The following SEMA3A variants were observed in gnomAD, a reference collection of about 807,000 sequenced individuals.
The protein encoded by SEMA3A is semaphorin 3A, also known as semaphorin-3A.
A neutral mutation model predicts 97.9 loss-of-function variants in SEMA3A; 29 were observed. The observed-to-expected ratio is 0.30, with a 90% CI of 0.22 to 0.40. The LOEUF (loss-of-function observed/expected upper bound fraction) is 0.40. Among genes scored for constraint, SEMA3A ranks in the 10% least tolerant of loss-of-function variants. The pLI is 1.00. For missense variants in SEMA3A, 763 were observed against 951.3 expected (o/e 0.80, Z 2.60); for synonymous variants, 321 against 323.7 (o/e 0.99, Z 0.09).
chr7:84,195,415 A>ATG (rs541469133), upstream of SEMA3A: 5 of 144,184 alleles, frequency 3.5e-5, no homozygotes, highest in East Asian at 2.1e-4. Flanking sequence ...TGTGCATTGT[A>ATG]TGTGTGCGTG....
At position 84,011,105 on chromosome 7, in the gene SEMA3A, A is replaced by G; in HGVS notation, c.926-14T>C. Reference sequence around the variant, plus strand: ...GGAATACATCCTCTGTTTAAAAACAAAATTGGAGAAAGTTGCTTTTTTATG... The same window carrying G: ...GGAATACATCCTCTGTTTAAAAACAGAATTGGAGAAAGTTGCTTTTTTATG... On this transcript the variant is annotated splice_polypyrimidine_tract_variant and intron_variant, in intron 8 of 16. Transcript: ENST00000265362. 2 of 1,609,974 alleles carry G rather than the reference A, an allele frequency of 1.2e-6. No homozygotes were observed. The highest frequency in any genetic ancestry group is 2.2e-5 in the South Asian group (2 of 90,930).
At chr7:84,095,174 CTCTA>C (rs1352908924) in intron 4 of SEMA3A, among the ~76,000 whole-genome samples, 1 of 141,878 alleles carries the variant, frequency 7.0e-6, no homozygotes, top group African/African-American at 2.5e-5. Context: ...GCACATATCT[CTCTA>C]TATATTGCTA....
At chr7:84,030,096 A>T (rs1791688141) in intron 6 of SEMA3A, among the ~76,000 whole-genome samples, 1 of 152,154 alleles carries the variant, frequency 6.6e-6, no homozygotes, top group South Asian at 2.1e-4. Context: ...ACATTTTTCT[A>T]CAATGCAATT....
intron 1 of SEMA3A, among the ~76,000 whole-genome samples, chr7:84,399,345 G>A (rs1803833810): frequency 6.6e-6 from 1 of 152,140 alleles, no homozygotes; most frequent in African/African-American, 2.4e-5. Context: ...ATAAATTTCA[G>A]TGACAACTAG....
chr7:84,009,904 A>AC (rs1491350839), intron 9 of SEMA3A, among the ~76,000 whole-genome samples: 5 of 82,718 alleles, frequency 6.0e-5, no homozygotes, highest in African/African-American at 1.7e-4. Flanking sequence ...GACACTGGTT[A>AC]CAAAAAAAAA....
intron 12 of SEMA3A, among the ~76,000 whole-genome samples, chr7:83,999,730 A>C (rs1317536890): frequency 2.6e-5 from 4 of 152,130 alleles, no homozygotes; most frequent in Non-Finnish European, 4.4e-5. Context: ...TATGCAAAGG[A>C]ACCATGACAA....
chr7:84,452,019 T>C (rs1417590725), intron 1 of SEMA3A, among the ~76,000 whole-genome samples: 2 of 152,158 alleles, frequency 1.3e-5, no homozygotes, highest in Non-Finnish European at 2.9e-5. Context: ...AATATTTAAT[T>C]GTTTGTTTTT....
At chr7:83,992,159 TG>T (rs1789977639) in intron 12 of SEMA3A, among the ~76,000 whole-genome samples, 1 of 150,982 alleles carries the variant, frequency 6.6e-6, no homozygotes, top group Admixed American at 6.6e-5. Flanking sequence ...GTGGGATTGG[TG>T]GTGATATCCC....
intron 6 of SEMA3A, among the ~76,000 whole-genome samples, chr7:84,024,443 G>A (rs1463601035): frequency 6.6e-6 from 1 of 152,098 alleles, no homozygotes; most frequent in Non-Finnish European, 1.5e-5. Context: ...CTATTCGGGA[G>A]GCTGAGGCAC....
intron 2 of SEMA3A, among the ~76,000 whole-genome samples, chr7:84,314,228 T>C (rs1282090689): frequency 1.3e-5 from 2 of 152,156 alleles, no homozygotes; most frequent in African/African-American, 2.4e-5. Context: ...TGAGTCTATC[T>C]AGTTTTGCAA....
chr7:83,970,784 A>G (rs1788882109), intron 15 of SEMA3A, among the ~76,000 whole-genome samples: 1 of 152,186 alleles, frequency 6.6e-6, no homozygotes, highest in South Asian at 2.1e-4. Flanking sequence ...TTTTTATTAT[A>G]ATTTTAGTAT....
chr7:84,455,810 A>G (rs541347971), intron 1 of SEMA3A, among the ~76,000 whole-genome samples: 1 of 152,122 alleles, frequency 6.6e-6, no homozygotes, highest in Non-Finnish European at 1.5e-5. Context: ...GTTTCATTTT[A>G]TATATGGGAG....
chr7:84,089,560 C>G (rs1053535223), intron 4 of SEMA3A, among the ~76,000 whole-genome samples: 1 of 152,044 alleles, frequency 6.6e-6, no homozygotes, highest in Non-Finnish European at 1.5e-5. Flanking sequence ...TCATACACAT[C>G]TAAATTACAT....
In SEMA3A at chr7:84,420,351, C is replaced by CA. The variant is rs1406049060; in HGVS notation, c.-245-48452dup. Among the ~76,000 whole-genome samples the CA allele has an allele frequency of 3.3e-5, 5 of 151,614 alleles. No homozygotes were observed. In the East Asian group the frequency reaches 9.7e-4, roughly 29 times the overall value. On this transcript the variant is annotated intron_variant, in intron 1 of 3. Transcript: ENST00000424555. ...AAAATGATGGATGTACAAGTAGACA[C>CA]AAAAAATATTTTAAAAAGAAACAAT...
chr7:84,323,664 TC>T (rs1432826546), intron 2 of SEMA3A, among the ~76,000 whole-genome samples: 1 of 152,184 alleles, frequency 6.6e-6, no homozygotes, highest in Non-Finnish European at 1.5e-5. Context: ...GAACTATAGT[TC>T]TTTAAAAATG....
chr7:84,268,172 C>A (rs781504335), intron 3 of SEMA3A, among the ~76,000 whole-genome samples: 1 of 151,612 alleles, frequency 6.6e-6, no homozygotes, highest in African/African-American at 2.4e-5. Context: ...CTTTTCCTTA[C>A]GGCCATGGTG....
intron 3 of SEMA3A, among the ~76,000 whole-genome samples, chr7:84,222,732 T>G (rs1798906619): frequency 6.6e-6 from 1 of 151,902 alleles, no homozygotes. Flanking sequence ...TAAGTAAATA[T>G]TGTCAGCCTT....
chr7:83,985,832 A>G (rs1789611751), intron 12 of SEMA3A, among the ~76,000 whole-genome samples: 1 of 152,206 alleles, frequency 6.6e-6, no homozygotes, highest in Non-Finnish European at 1.5e-5. Context: ...GAGGGTTCAA[A>G]GAAGTAGAGC....
At chr7:84,111,019 G>T (rs1193103669) in intron 3 of SEMA3A, among the ~76,000 whole-genome samples, 1 of 151,852 alleles carries the variant, frequency 6.6e-6, no homozygotes. Flanking sequence ...TCCATTTTAG[G>T]AAAAGAAAAC....
Sources: allele counts gnomAD v4.1 joint callset (sites outside exome capture counted in the v4.1 genomes callset), GRCh38; gene constraint gnomAD v4.1.1; transcripts MANE v1.5; gene names NCBI Gene and HGNC (gene_info 2026-07-23, HGNC 2026-07-21).